Variants in FAM169A observed in about 807,000 individuals in gnomAD.
The protein encoded by FAM169A is soluble lamin-associated protein of 75 kDa.
A neutral mutation model predicts 75.7 loss-of-function variants in FAM169A; 24 were observed. The observed-to-expected ratio is 0.32, with a 90% CI of 0.23 to 0.45. The LOEUF is 0.45. Among genes scored for constraint, FAM169A ranks in the 20% least tolerant of loss-of-function variants. The pLI is 1.00. For missense variants in FAM169A, 673 were observed against 784.0 expected (o/e 0.86, Z 1.69); for synonymous variants, 271 against 271.0 (o/e 1.00, Z 0.00).
chr5:74,839,579 C>A (rs1392148240), intron 3 of FAM169A, among the ~76,000 whole-genome samples: 1 of 145,908 alleles, frequency 6.9e-6, no homozygotes, highest in African/African-American at 2.6e-5. Context: ...GGCTAGAGTG[C>A]AATGGTGTGA....
At chr5:74,846,863 T>C (rs1749183377) in intron 1 of FAM169A, among the ~76,000 whole-genome samples, 2 of 152,244 alleles carry the variant, frequency 1.3e-5, no homozygotes, top group South Asian at 4.1e-4. Flanking sequence ...CTGTGCGTGG[T>C]CCTAAGAGGC....
chr5:74,829,188 T>C (rs538865220), intron 5 of FAM169A, among the ~76,000 whole-genome samples: 1 of 152,332 alleles, frequency 6.6e-6, no homozygotes, highest in South Asian at 2.1e-4. Flanking sequence ...GTTTTCATCC[T>C]TTTATAAACT....
At chr5:74,848,736 T>C (rs2112702913) in intron 1 of FAM169A, 1 of 152,268 alleles carries the variant, frequency 6.6e-6, no homozygotes, top group Middle Eastern at 3.4e-3. Context: ...TTTTTGTTTG[T>C]TTTTGAGTCT....
chr5:74,828,391 C>T (rs550612069), intron 5 of FAM169A, among the ~76,000 whole-genome samples: 1 of 152,196 alleles, frequency 6.6e-6, no homozygotes, highest in South Asian at 2.1e-4. Flanking sequence ...TTTACAACTC[C>T]AGATTAGCAA....
At chr5:74,808,163 C>T (rs1746983989) in intron 6 of FAM169A, among the ~76,000 whole-genome samples, 1 of 152,160 alleles carries the variant, frequency 6.6e-6, no homozygotes, top group Admixed American at 6.5e-5. Context: ...AAACAGGTAT[C>T]TGTACACCAA....
chr5:74,863,757 C>G (rs919121624), intron 1 of FAM169A, among the ~76,000 whole-genome samples: 1 of 152,158 alleles, frequency 6.6e-6, no homozygotes, highest in Non-Finnish European at 1.5e-5. Flanking sequence ...ACACCAAGAT[C>G]ACTTCCAAAC....
At chr5:74,826,393 TG>T (rs1253797429) in intron 5 of FAM169A, among the ~76,000 whole-genome samples, 7 of 152,198 alleles carry the variant, frequency 4.6e-5, no homozygotes. Context: ...TTGCTGGCAA[TG>T]GACCTCACAG....
At chr5:74,805,101 C>T in intron 7 of FAM169A, 55 bp downstream of exon 7, 2 of 1,529,958 alleles carry the variant, frequency 1.3e-6, no homozygotes, top group Non-Finnish European at 1.8e-6. Flanking sequence ...CCAGCAAGGA[C>T]AGGCTACCAA....
Position 74,804,475 on chromosome 5 carries a change from T to A in FAM169A, c.912+18A>T. ...AAAATTTTATATACAACAATAAACA[T>A]ATAGACAGTGTACCTACAGTTAGCT... On this transcript the variant is annotated intron_variant, in intron 8 of 12. Transcript: ENST00000687041. The A allele has an allele frequency of 1.5e-6, 2 of 1,370,540 alleles. No homozygotes were observed. Among genetic ancestry groups the A allele is most frequent in the Non-Finnish European group, 2.0e-6 (2 of 980,280 alleles). 84.9% of individuals were successfully genotyped at this position (1,370,540 alleles called of 1,614,324 possible). A position where few individuals can be genotyped will look rare whatever the true frequency, so the allele number is the denominator to read the frequency against.
intron 1 of FAM169A, among the ~76,000 whole-genome samples, chr5:74,861,691 T>C (rs1201613245): frequency 1.3e-5 from 2 of 152,138 alleles, no homozygotes; most frequent in African/African-American, 2.4e-5. Context: ...TCTCTCCCTC[T>C]ACAATCCTCT....
chr5:74,788,859 C>T (rs187900147), intron 11 of FAM169A, among the ~76,000 whole-genome samples: 3 of 152,278 alleles, frequency 2.0e-5, no homozygotes, highest in Admixed American at 1.3e-4. Context: ...GTGCAGAAGA[C>T]GGATCTTGGA....
chr5:74,835,544 G>A (rs2112654823), intron 4 of FAM169A, among the ~76,000 whole-genome samples: 1 of 147,012 alleles, frequency 6.8e-6, no homozygotes, highest in East Asian at 2.1e-4. Context: ...TGAGGTTGCA[G>A]TGAGCTGTGA....
At chr5:74,850,191 G>C (rs1241088194) in intron 1 of FAM169A, among the ~76,000 whole-genome samples, 1 of 152,200 alleles carries the variant, frequency 6.6e-6, no homozygotes, top group Non-Finnish European at 1.5e-5. Flanking sequence ...AAGACACAAA[G>C]TGGCTGAGTA....
chr5:74,847,442 C>T (rs576187335), intron 1 of FAM169A, among the ~76,000 whole-genome samples: 6 of 152,258 alleles, frequency 3.9e-5, no homozygotes, highest in South Asian at 2.1e-4. Context: ...AGTTCATCCA[C>T]GTTGTAGCAT....
chr5:74,838,830 G>A (rs755177675), intron 4 of FAM169A, 135 bp downstream of exon 4: 25 of 695,014 alleles, frequency 3.6e-5, no homozygotes, highest in East Asian at 3.0e-4. Context: ...TGGCTTCATC[G>A]TAAGAATGAA....
intron 4 of FAM169A, 25 bp downstream of exon 4, chr5:74,838,940 A>T: frequency 6.5e-7 from 1 of 1,534,736 alleles, no homozygotes; most frequent in Non-Finnish European, 9.0e-7. Context: ...CAAAAGAAAC[A>T]CTCAAAATTA....
chr5:74,822,775 T>C (rs954690153), intron 5 of FAM169A, among the ~76,000 whole-genome samples: 9 of 152,194 alleles, frequency 5.9e-5, no homozygotes, highest in Non-Finnish European at 1.3e-4. Context: ...GGGACACATA[T>C]GCCCATGTCA....
At position 74,801,047 on chromosome 5, in the gene FAM169A, C is replaced by A; in HGVS notation, c.953-17G>T. 1 of 1,504,378 alleles carries A rather than the reference C, an allele frequency of 6.6e-7. No homozygotes were observed. Among genetic ancestry groups the A allele is most frequent in the Non-Finnish European group, 8.9e-7 (1 of 1,126,616 alleles). The allele number at this position is 1,504,378 out of a possible 1,614,324, so 93.2% of individuals were successfully genotyped here. A position where few individuals can be genotyped will look rare whatever the true frequency, so the allele number is the denominator to read the frequency against. On this transcript the variant is annotated splice_polypyrimidine_tract_variant and intron_variant, in intron 9 of 12. Transcript: ENST00000687041. The stretch of plus-strand genomic sequence containing the variant: ...TATCATGACCTGAGGAGAAAAACAG[C>A]AAAACTGCACTTAATTGATTATATA...
intron 5 of FAM169A, among the ~76,000 whole-genome samples, chr5:74,830,153 G>C (rs1748237889): frequency 6.6e-6 from 1 of 152,024 alleles, no homozygotes; most frequent in Admixed American, 6.6e-5. Flanking sequence ...CATTTACCTA[G>C]ATAAGAATCC....
Sources: allele counts gnomAD v4.1 joint callset (sites outside exome capture counted in the v4.1 genomes callset), GRCh38; gene constraint gnomAD v4.1.1; transcripts MANE v1.5; gene names NCBI Gene and HGNC (gene_info 2026-07-23, HGNC 2026-07-21).